The following MRM3 variants were observed in gnomAD, a reference collection of about 807,000 sequenced individuals.
MRM3 encodes the protein rRNA methyltransferase 3, mitochondrial.
A neutral mutation model predicts 29.4 loss-of-function variants in MRM3; 26 were observed. The ratio of observed to expected loss-of-function variants is 0.89; its 90% CI spans 0.65 to 1.23. MRM3 has a LOEUF of 1.23. Among genes scored for constraint, MRM3 ranks in the 50% most tolerant of loss-of-function variants. The pLI is 0.00. For missense variants in MRM3, 578 were observed against 540.2 expected, an observed-to-expected ratio of 1.07 and a Z score of -0.69; for synonymous variants, 225 against 219.0, an observed-to-expected ratio of 1.03 and a Z score of -0.24.
At chr17:790,522 C>T (rs1353631463) in intron 3 of MRM3, 1 of 210,672 alleles carries the variant, frequency 4.7e-6, no homozygotes, top group Non-Finnish European at 9.9e-6. Context: ...TTGACCGGCT[C>T]ACTGCCTGTG....
At position 788,113 on chromosome 17, in the gene MRM3, C is replaced by T. The variant is rs757104554; in HGVS notation, c.708C>T (p.Ser236=). The T allele has an allele frequency of 1.9e-6, 3 of 1,614,142 alleles. No homozygotes were observed. In the Admixed American group the frequency reaches 5.0e-5, roughly 27 times the overall value. The change falls in exon 3 of 4, where the codon AGC becomes AGT. Residue 236 remains serine, a synonymous_variant. Transcript: ENST00000304478. ...GATCTGCAGCTGGGGCAGGCTGCAG[C>T]AAAGTGTTACTCACCAAAGGTAAGG... ...ILRSAAGAGC[S]KVLLTKGCVD...
chr17:791,891 TGA>T lies in MRM3; in HGVS notation c.1087_1088del (p.Ser363ProfsTer63). Reference sequence around the variant, plus strand: ...GTGATTGGCGGGGAGACCTACGGCGTGAGCCTGGAGTCCCTGCAGCTGGCCGA... The same window carrying T: ...GTGATTGGCGGGGAGACCTACGGCGTGCCTGGAGTCCCTGCAGCTGGCCGA... On this transcript the variant is annotated frameshift_variant, in exon 4 of 4. Transcript: ENST00000304478. LOFTEE classifies it high-confidence loss of function. 1 of 1,613,842 alleles carries T rather than the reference TGA, an allele frequency of 6.2e-7. No individual in the cohort carries two copies. The highest frequency in any genetic ancestry group is 8.5e-7 in the Non-Finnish European group (1 of 1,180,026).
chr17:784,964 T>G (rs1039515221), intron 2 of MRM3, among the ~76,000 whole-genome samples: 1 of 152,210 alleles, frequency 6.6e-6, no homozygotes. Context: ...GAATCCTAAA[T>G]CTTTGATTGT....
At chr17:790,925 C>T (rs796500134) in intron 3 of MRM3, among the ~76,000 whole-genome samples, 984 of 9,490 alleles carry the variant, frequency 0.1, 260 homozygotes, top group Middle Eastern at 0.23. Flanking sequence ...CACCCCCCCC[C>T]CACCCGCTGA....
chr17:786,107 TTTG>T (rs1185726408), intron 2 of MRM3, among the ~76,000 whole-genome samples: 1 of 152,160 alleles, frequency 6.6e-6, no homozygotes, highest in Admixed American at 6.5e-5. Context: ...TTTGTTTTGT[TTTG>T]TTTTTTGTTT....
At chr17:783,422 C>A in intron 2 of MRM3, 95 bp downstream of exon 2, 1 of 1,266,964 alleles carries the variant, frequency 7.9e-7, no homozygotes. Flanking sequence ...CTGCAACCTC[C>A]GCCTCTCGGG....
chr17:785,662 T>C (rs933386315), intron 2 of MRM3, among the ~76,000 whole-genome samples: 1 of 152,240 alleles, frequency 6.6e-6, no homozygotes, highest in Non-Finnish European at 1.5e-5. Context: ...CCCCTTCGTT[T>C]TGCAGAGTAT....
At chr17:782,784 A>T in intron 1 of MRM3, 92 bp downstream of exon 1, 2 of 1,332,828 alleles carry the variant, frequency 1.5e-6, no homozygotes, top group Non-Finnish European at 2.0e-6. Context: ...GACTTCTTCC[A>T]GTACAGCCCG....
chr17:789,719 G>A (rs758438942), intron 3 of MRM3: 9 of 152,174 alleles, frequency 5.9e-5, no homozygotes, highest in East Asian at 1.9e-4. Context: ...CCGCTTACTC[G>A]CCCCATTATT....
intron 3 of MRM3, chr17:790,499 G>C (rs968191093): frequency 5.1e-6 from 1 of 194,332 alleles, no homozygotes; most frequent in Non-Finnish European, 1.1e-5. Flanking sequence ...TGCCACTACA[G>C]CCCCAGCGCT....
Position 787,373 on chromosome 17 carries a change from C to T in MRM3, c.560-592C>T, listed in dbSNP as rs899438227. ...TTACAGAATAATACAGAGTATGACACGGAATGTAAAACACATTTACATATG... is the reference window on the plus strand; with the variant it reads ...TTACAGAATAATACAGAGTATGACATGGAATGTAAAACACATTTACATATG... On this transcript the variant is annotated intron_variant, in intron 2 of 3. Transcript: ENST00000304478. This position sits in a 1 kb window ranked among gnomAD's most constrained non-coding sequence, Gnocchi z 4.1. 5.3e-5 allele frequency among the ~76,000 whole-genome samples: 8 copies of T among 151,970 alleles called. No homozygotes were observed. Among genetic ancestry groups the T allele is most frequent in the African/African-American group, 1.5e-4 (6 of 41,358 alleles).
In MRM3 at chr17:791,677, G is replaced by A; in HGVS notation, c.871G>A (p.Gly291Ser). ...TCGGGTCTATGTGGCTGACAACTGT[G>A]GCCTTTATGCCCAGGCTGAGATGTC... Reference protein sequence around the residue: ...DTRVYVADNCGLYAQAEMSNK... With the variant: ...DTRVYVADNCSLYAQAEMSNK... Residue 291 changes from glycine to serine, a missense_variant, in exon 4 of 4, where the codon GGC becomes AGC. Physicochemically the swap from Gly to Ser is moderately conservative, Grantham distance 56. Coordinates refer to ENST00000304478, the MANE Select transcript of MRM3 (RefSeq NM_018146.4). The A allele has an allele frequency of 6.2e-7, 1 of 1,614,176 alleles. No homozygotes were observed. Among genetic ancestry groups the A allele is most frequent in the South Asian group, 1.1e-5 (1 of 91,080 alleles).
At position 791,921 on chromosome 17, in the gene MRM3, G is replaced by C; in HGVS notation, c.1115G>C (p.Ser372Thr). ...CTGGAGTCCCTGCAGCTGGCCGAGAGCACTGGTGGCAAGAGGCTGCTGATC... is the reference window on the plus strand; with the variant it reads ...CTGGAGTCCCTGCAGCTGGCCGAGACCACTGGTGGCAAGAGGCTGCTGATC... ...VSLESLQLAESTGGKRLLIPV... is the reference protein window; with the variant it reads ...VSLESLQLAETTGGKRLLIPV... The change falls in exon 4 of 4, where the codon AGC (serine) becomes ACC (threonine). Residue 372 changes from serine to threonine, a missense_variant. Transcript: ENST00000304478. 1 of 1,614,056 alleles carries C rather than the reference G, an allele frequency of 6.2e-7. No homozygotes were observed. Among genetic ancestry groups the C allele is most frequent in the Middle Eastern group, 1.6e-4 (1 of 6,062 alleles).
chr17:789,494 A>C (rs1910696842), intron 3 of MRM3, among the ~76,000 whole-genome samples: 1 of 152,226 alleles, frequency 6.6e-6, no homozygotes, highest in African/African-American at 2.4e-5. Flanking sequence ...CAGTTGGAGC[A>C]CGCCTAAAAT....
At chr17:785,313 T>G (rs1910482961) in intron 2 of MRM3, among the ~76,000 whole-genome samples, 1 of 152,198 alleles carries the variant, frequency 6.6e-6, no homozygotes, top group African/African-American at 2.4e-5. Context: ...ATTTTTAATA[T>G]TGTTATTAGC....
Position 791,762 on chromosome 17 carries a change from A to T in MRM3, c.956A>T (p.Tyr319Phe), listed in dbSNP as rs758721611. The change falls in exon 4 of 4, where the codon TAT becomes TTT. Residue 319 changes from tyrosine (Y) to phenylalanine (F), a missense_variant. Physicochemically the swap from Tyr to Phe is conservative, Grantham distance 22. Coordinates refer to ENST00000304478, the MANE Select transcript of MRM3 (RefSeq NM_018146.4). Reference protein sequence around the residue: ...CDQRVMKFHKYEEEEDVETGA... With the variant: ...CDQRVMKFHKFEEEEDVETGA... ...CAACGAGTGATGAAGTTTCACAAGT[A>T]TGAGGAAGAGGAAGATGTAGAAACC... 16 of 1,614,080 alleles carry T rather than the reference A, an allele frequency of 9.9e-6. No individual in the cohort carries two copies. The highest frequency in any genetic ancestry group is 1.4e-5 in the Non-Finnish European group (16 of 1,180,054).
In MRM3 at chr17:792,416, G is replaced by C. The variant is rs1248139558; in HGVS notation, c.*347G>C. On this transcript the variant is annotated 3_prime_UTR_variant, in exon 4 of 4. Coordinates refer to ENST00000304478, the MANE Select transcript of MRM3 (RefSeq NM_018146.4). ...CTGCTCCACCAGCTGGTGGGTGTTT[G>C]TAATCGCCAAGCACCAGCTATAGGT... 1.2e-5 allele frequency: 3 copies of C among 256,682 alleles called. No homozygotes were observed. Among genetic ancestry groups the C allele is most frequent in the African/African-American group, 6.7e-5 (3 of 44,734 alleles). The allele number at this position is 256,682 out of a possible 1,614,324, so 15.9% of individuals were successfully genotyped here. A position where few individuals can be genotyped will look rare whatever the true frequency, so the allele number is the denominator to read the frequency against.
chr17:782,446 A>G lies in MRM3; in HGVS notation c.68A>G (p.Asp23Gly), dbSNP rs1597592151. ...RPLLQVVQAW[D>G]LDARRWVRAL... Reference sequence around the variant, plus strand: ...TTGCTGCAGGTGGTCCAGGCTTGGGACCTTGACGCGAGGCGCTGGGTCCGG... The same window carrying G: ...TTGCTGCAGGTGGTCCAGGCTTGGGGCCTTGACGCGAGGCGCTGGGTCCGG... The change falls in exon 1 of 4, where the codon GAC (aspartate) becomes GGC (glycine). Residue 23 changes from aspartate to glycine, a missense_variant. Transcript: ENST00000304478. 2 of 1,613,812 alleles carry G rather than the reference A, an allele frequency of 1.2e-6. No homozygotes were observed. Among genetic ancestry groups the G allele is most frequent in the Non-Finnish European group, 1.7e-6 (2 of 1,179,928 alleles).
chr17:788,516 A>G (rs1333272787), intron 3 of MRM3, among the ~76,000 whole-genome samples: 1 of 129,248 alleles, frequency 7.7e-6, no homozygotes, highest in Non-Finnish European at 1.6e-5. Flanking sequence ...GGGTCTCACT[A>G]TGTTGCCCAG....
Sources: gnomAD v4.1 joint callset for allele counts (sites outside exome capture counted in the v4.1 genomes callset) on GRCh38, gnomAD v4.1.1 for gene constraint, Gnocchi (gnomAD v3.1) non-coding constraint, MANE v1.5 for transcripts, NCBI Gene and HGNC (gene_info 2026-07-23, HGNC 2026-07-21) for gene names.